The following MRPS23 variants were observed in gnomAD, a reference collection of about 807,000 sequenced individuals.
MRPS23 encodes mitochondrial ribosomal protein S23.
A neutral mutation model predicts 19.8 loss-of-function variants in MRPS23; 14 were observed. The observed-to-expected ratio is 0.71, with a 90% CI of 0.47 to 1.11. The LOEUF (loss-of-function observed/expected upper bound fraction) is 1.11, where lower values mean the gene tolerates loss of function less well. Among genes scored for constraint, MRPS23 ranks in the 50% least tolerant of loss-of-function variants. The pLI is 0.00. For missense variants in MRPS23, 242 were observed against 236.7 expected (o/e 1.02, Z -0.15); for synonymous variants, 113 against 89.7 (o/e 1.26, Z -1.47).
At chr17:57,840,144 T>C (rs893214825) in intron 4 of MRPS23, among the ~76,000 whole-genome samples, 3 of 152,146 alleles carry the variant, frequency 2.0e-5, no homozygotes. Flanking sequence ...TCCCAGCACT[T>C]TGGGAGGCTG....
chr17:57,840,259 C>A (rs1184273253), intron 4 of MRPS23, among the ~76,000 whole-genome samples: 1 of 152,004 alleles, frequency 6.6e-6, no homozygotes, highest in Non-Finnish European at 1.5e-5. Context: ...TGGTGGCAGG[C>A]GCCTGTGGTC....
rs1317927139 is a variant in MRPS23, at chr17:57,836,599, T to A, written c.*3184A>T. The A allele has an allele frequency of 5.3e-5, 8 of 152,300 alleles. No homozygotes were observed. The East Asian group carries it at 1.5e-3, about 29-fold the overall frequency. 9.4% of individuals were successfully genotyped at this position (152,300 alleles called of 1,614,324 possible). ...CCCCTGAACCTCTACTGTACTTTTA[T>A]ATCAAAGTTTAAAAGGATTCCTGTT... On this transcript the variant is annotated 3_prime_UTR_variant, in exon 5 of 5. Transcript: ENST00000313608.
chr17:57,839,724 G>A lies in MRPS23; in HGVS notation c.*59C>T, dbSNP rs2073728535. 2 of 1,570,746 alleles carry A rather than the reference G, an allele frequency of 1.3e-6. No homozygotes were observed. The highest frequency in any genetic ancestry group is 1.7e-6 in the Non-Finnish European group (2 of 1,153,032). On this transcript the variant is annotated 3_prime_UTR_variant, in exon 5 of 5. Coordinates refer to ENST00000313608, the MANE Select transcript of MRPS23 (RefSeq NM_016070.4). ...TACACAGTTCAACTGTTTAAAAATA[G>A]CTCAACATTCAGCCAGTGAGTAGAG...
chr17:57,848,228 T>C (rs2073789095), intron 2 of MRPS23, among the ~76,000 whole-genome samples: 1 of 152,128 alleles, frequency 6.6e-6, no homozygotes, highest in South Asian at 2.1e-4. Flanking sequence ...AGCCTGTGAT[T>C]TCTTTTTATG....
In MRPS23 at chr17:57,839,420, A is replaced by C. The variant is rs1309209724; in HGVS notation, c.*363T>G. The C allele has an allele frequency of 6.1e-6, 1 of 163,442 alleles. No homozygotes were observed. Among genetic ancestry groups the C allele is most frequent in the Non-Finnish European group, 1.3e-5 (1 of 74,814 alleles). 10.1% of individuals were successfully genotyped at this position (163,442 alleles called of 1,614,324 possible). A position where few individuals can be genotyped will look rare whatever the true frequency, so the allele number is the denominator to read the frequency against. ...GTCTGATGGATCAGAAGAAATATGT[A>C]CCCGGGAATCAGATGTAGCCAGCCC... On this transcript the variant is annotated 3_prime_UTR_variant, in exon 5 of 5. Transcript: ENST00000313608.
chr17:57,848,563 C>CG (rs1240140337), intron 2 of MRPS23, among the ~76,000 whole-genome samples: 1 of 151,732 alleles, frequency 6.6e-6, no homozygotes, highest in Non-Finnish European at 1.5e-5. Flanking sequence ...TTAGTAGAGA[C>CG]GGGGTTTCAC....
rs1260323691 is a variant in MRPS23, at chr17:57,839,639, T to G, written c.*144A>C. 36 of 1,062,896 alleles carry G rather than the reference T, an allele frequency of 3.4e-5. No homozygotes were observed. Among genetic ancestry groups the G allele is most frequent in the Non-Finnish European group, 4.3e-5 (33 of 759,716 alleles). The allele number at this position is 1,062,896 out of a possible 1,614,324, so 65.8% of individuals were successfully genotyped here. ...TGTCAAACCATGATACTGAGCTTTG[T>G]GACAACCCAGAAATAACTAAGAGAA... On this transcript the variant is annotated 3_prime_UTR_variant, in exon 5 of 5. Coordinates refer to ENST00000313608, the MANE Select transcript of MRPS23 (RefSeq NM_016070.4).
chr17:57,842,453 T>C (rs888471494), intron 2 of MRPS23, among the ~76,000 whole-genome samples: 1 of 152,188 alleles, frequency 6.6e-6, no homozygotes, highest in African/African-American at 2.4e-5. Context: ...CACTCCCCAT[T>C]TCTCCTCCCT....
intron 2 of MRPS23, chr17:57,848,686 T>C: frequency 6.6e-6 from 1 of 150,572 alleles, no homozygotes; most frequent in Non-Finnish European, 1.5e-5. Flanking sequence ...CTCTTAGACT[T>C]TCAAGCATCC....
intron 2 of MRPS23, among the ~76,000 whole-genome samples, chr17:57,847,609 C>T: frequency 6.7e-6 from 1 of 149,776 alleles, no homozygotes; most frequent in East Asian, 2.0e-4. Context: ...TTGCAGTGAG[C>T]CGAGATTGCG....
At chr17:57,845,418 T>G (rs2073766302) in intron 2 of MRPS23, among the ~76,000 whole-genome samples, 1 of 152,152 alleles carries the variant, frequency 6.6e-6, no homozygotes, top group African/African-American at 2.4e-5. Context: ...TAAATTCCAT[T>G]TTCTAGCATC....
intron 2 of MRPS23, among the ~76,000 whole-genome samples, chr17:57,846,277 C>T (rs555846167): frequency 3.3e-5 from 3 of 90,348 alleles, no homozygotes; most frequent in African/African-American, 9.7e-5. Flanking sequence ...CCCGACCAGC[C>T]GCCCCGTCCG....
Position 57,849,419 on chromosome 17 carries a change from G to C in MRPS23, c.45-9C>G, listed in dbSNP as rs552757355. 31 of 1,613,014 alleles carry C rather than the reference G, an allele frequency of 1.9e-5. No individual in the cohort carries two copies. The highest frequency in any genetic ancestry group is 1.4e-5 in the Non-Finnish European group (17 of 1,179,740). ...GAACCAGGTCCCGAGTCCTTAGGGA[G>C]GGAACAGAACGAAACTGGGTCACTT... is the stretch of plus-strand genomic sequence containing the variant. On this transcript the variant is annotated splice_polypyrimidine_tract_variant and intron_variant, in intron 1 of 4. Transcript: ENST00000313608.
At chr17:57,846,865 G>C (rs1037221911) in intron 2 of MRPS23, among the ~76,000 whole-genome samples, 1 of 149,936 alleles carries the variant, frequency 6.7e-6, no homozygotes, top group Non-Finnish European at 1.5e-5. Flanking sequence ...ATTGTCCTAT[G>C]ACCCTGCCAA....
intron 2 of MRPS23, among the ~76,000 whole-genome samples, chr17:57,842,119 C>T (rs1307173966): frequency 6.6e-6 from 1 of 152,164 alleles, no homozygotes; most frequent in Non-Finnish European, 1.5e-5. Context: ...TCAAGCAATC[C>T]TCTTGCCTCA....
intron 2 of MRPS23, 140 bp from the exon 3 acceptor site, chr17:57,841,400 G>GA (rs35764839): frequency 0.24 from 194,991 of 804,738 alleles, 26,201 homozygotes; most frequent in Non-Finnish European, 0.28. Context: ...GAACAGTTTT[G>GA]TTTTTTTAGA....
chr17:57,835,706 C>T lies in MRPS23; in HGVS notation c.*4077G>A, dbSNP rs992896372. On this transcript the variant is annotated 3_prime_UTR_variant, in exon 5 of 5. Coordinates refer to ENST00000313608, the MANE Select transcript of MRPS23 (RefSeq NM_016070.4). ...CAAAGCTAACTGGAAGCCAAAAAGG[C>T]AAACATTGTCCATATTTTACAGGCT... 3.9e-5 allele frequency: 6 copies of T among 152,324 alleles called. No homozygotes were observed. The East Asian group carries it at 7.7e-4, about 20-fold the overall frequency. 9.4% of individuals were successfully genotyped at this position (152,324 alleles called of 1,614,324 possible).
intron 2 of MRPS23, among the ~76,000 whole-genome samples, chr17:57,843,494 C>T (rs570997061): frequency 6.6e-6 from 1 of 152,304 alleles, no homozygotes; most frequent in African/African-American, 2.4e-5. Context: ...ATGGACTAAA[C>T]GTGTCCCACC....
At chr17:57,842,864 TAAAA>T (rs746598526) in intron 2 of MRPS23, among the ~76,000 whole-genome samples, 91 of 79,302 alleles carry the variant, frequency 1.1e-3, no homozygotes, top group East Asian at 5.3e-3. Flanking sequence ...ACCCTGTCTC[TAAAA>T]AAAAAAAAAA....
Sources: gnomAD v4.1 joint callset for allele counts (sites outside exome capture counted in the v4.1 genomes callset) on GRCh38, gnomAD v4.1.1 for gene constraint, MANE v1.5 for transcripts, NCBI Gene and HGNC (gene_info 2026-07-23, HGNC 2026-07-21) for gene names.